Variants in CCDC88A observed in about 807,000 individuals in gnomAD.
CCDC88A encodes the protein coiled-coil and HOOK domain protein 88A.
In CCDC88A, 54 loss-of-function variants were observed where a neutral mutation model predicts 234.3. The observed-to-expected ratio is 0.23, with a 90% confidence interval of 0.19 to 0.29. The LOEUF is 0.29. Ranked by LOEUF, CCDC88A falls within the 10% of genes least tolerant of loss-of-function variation. CCDC88A has a pLI of 1.00. For missense variants in CCDC88A, 1,832 were observed against 2,123.4 expected, an observed-to-expected ratio of 0.86 and a Z score of 2.70; for synonymous variants, 753 against 737.8, an observed-to-expected ratio of 1.02 and a Z score of -0.33.
At position 55,288,119 on chromosome 2, in the gene CCDC88A, A is replaced by C. The variant is rs1269618800; in HGVS notation, c.*3081T>G. 2 of 152,640 alleles carry C rather than the reference A, an allele frequency of 1.3e-5. No individual in the cohort carries two copies. Among genetic ancestry groups the C allele is most frequent in the African/African-American group, 4.8e-5 (2 of 41,462 alleles). 9.5% of individuals were successfully genotyped at this position (152,640 alleles called of 1,614,324 possible). On this transcript the variant is annotated 3_prime_UTR_variant, in exon 33 of 33. Transcript: ENST00000436346. ...TTTGATTTGGTATTTAATAACAGTT[A>C]TAAGTACAATGGTAGACACTGAAAA...
At chr2:55,311,108 T>C (rs1345344055) in intron 23 of CCDC88A, among the ~76,000 whole-genome samples, 1 of 152,218 alleles carries the variant, frequency 6.6e-6, no homozygotes, top group Non-Finnish European at 1.5e-5. Context: ...AACAAAGCTT[T>C]GGATAATGCC....
At chr2:55,311,882 C>A (rs1010610116) in intron 23 of CCDC88A, among the ~76,000 whole-genome samples, 2 of 152,160 alleles carry the variant, frequency 1.3e-5, no homozygotes, top group African/African-American at 4.8e-5. Flanking sequence ...ATAGAACAAC[C>A]TTTGTAAACT....
intron 6 of CCDC88A, chr2:55,363,620 C>T (rs999914171): frequency 6.0e-5 from 11 of 182,912 alleles, no homozygotes; most frequent in South Asian, 3.9e-4. Context: ...ACCTCACTAT[C>T]GTTTTGAATT....
chr2:55,400,879 G>A (rs1195062518), intron 2 of CCDC88A, among the ~76,000 whole-genome samples: 3 of 152,036 alleles, frequency 2.0e-5, no homozygotes, highest in African/African-American at 7.3e-5. Context: ...AAATTTTTGA[G>A]ATAATTTATA....
At chr2:55,386,992 T>C (rs2104884203) in intron 3 of CCDC88A, among the ~76,000 whole-genome samples, 3 of 150,360 alleles carry the variant, frequency 2.0e-5, no homozygotes, top group East Asian at 2.0e-4. Context: ...CTGGCCAACA[T>C]GGCGAAACCC....
chr2:55,418,748 G>T, intron 2 of CCDC88A, 68 bp downstream of exon 2: 1 of 1,233,162 alleles, frequency 8.1e-7, no homozygotes, highest in Non-Finnish European at 1.2e-6. Flanking sequence ...TTAAAACATC[G>T]TGTCTCAAAG....
chr2:55,375,399 T>C (rs1346557201), intron 3 of CCDC88A, among the ~76,000 whole-genome samples: 1 of 150,372 alleles, frequency 6.7e-6, no homozygotes, highest in Non-Finnish European at 1.5e-5. Context: ...GCATGTGTGC[T>C]CTTTTTCTTC....
In CCDC88A at chr2:55,317,318, A is replaced by G; in HGVS notation, c.3634T>C (p.Leu1212=). Residue 1212 remains leucine, a synonymous_variant, in exon 21 of 33, where the codon TTG becomes CTG. Transcript: ENST00000436346. This position sits in a 1 kb window ranked among gnomAD's most constrained non-coding sequence, Gnocchi z 4.2. The stretch of plus-strand genomic sequence containing the variant: ...TTGAGCATTTTTTCCAAATCTTCCA[A>G]CTGTCCTTTCTGTTTTAATAACTGA... The part of the protein sequence containing the change: ...YNQLLKQKGQ[L]EDLEKMLKVE... 6.5e-7 allele frequency: 1 copy of G among 1,536,184 alleles called. No individual in the cohort carries two copies. Among genetic ancestry groups the G allele is most frequent in the Non-Finnish European group, 8.8e-7 (1 of 1,137,522 alleles).
intron 29 of CCDC88A, among the ~76,000 whole-genome samples, chr2:55,297,916 ATTAC>A (rs1248114775): frequency 2.0e-5 from 3 of 152,346 alleles, no homozygotes; most frequent in East Asian, 1.9e-4. Context: ...ATATGAAGCA[ATTAC>A]TTACAACATT....
intron 17 of CCDC88A, among the ~76,000 whole-genome samples, chr2:55,327,398 G>C (rs1684405502): frequency 6.6e-6 from 1 of 152,310 alleles, no homozygotes; most frequent in East Asian, 1.9e-4. Context: ...TGGAGTTGCT[G>C]CAAGAGGTAA....
Position 55,297,329 on chromosome 2 carries a change from A to AATAAATTTATATATT in CCDC88A, c.4826-807_4826-806insAATATATAAATTTAT, listed in dbSNP as rs1680205894. Among the ~76,000 whole-genome samples the AATAAATTTATATATT allele has an allele frequency of 5.9e-4, 9 of 15,370 alleles. No homozygotes were observed. The South Asian group carries it at 9.7e-3, about 17-fold the overall frequency. The allele number at this position is 15,370 out of a possible 152,430, so 10.1% of individuals were successfully genotyped here. A position where few individuals can be genotyped will look rare whatever the true frequency, so the allele number is the denominator to read the frequency against. ...AATTATATATAAATATATAATATAT[A>AATAAATTTATATATT]ATATATAAATTTATATATTATATAT... On this transcript the variant is annotated intron_variant, in intron 29 of 32. Transcript: ENST00000436346.
intron 11 of CCDC88A, 186 bp from the exon 12 acceptor site, chr2:55,343,978 T>A: frequency 2.1e-6 from 1 of 472,156 alleles, no homozygotes; most frequent in Non-Finnish European, 3.7e-6. Context: ...GTGTCTGACA[T>A]CCTTTTAAGC....
At chr2:55,377,194 CTTT>C (rs11443883) in intron 3 of CCDC88A, among the ~76,000 whole-genome samples, 1 of 115,016 alleles carries the variant, frequency 8.7e-6, no homozygotes, top group Non-Finnish European at 1.7e-5. Flanking sequence ...TCACTATAGA[CTTT>C]TTTTTTTTTT....
Position 55,299,833 on chromosome 2 carries a change from G to C in CCDC88A, c.4825+6C>G. 6.3e-7 allele frequency: 1 copy of C among 1,591,060 alleles called. No homozygotes were observed. Among genetic ancestry groups the C allele is most frequent in the Non-Finnish European group, 8.6e-7 (1 of 1,159,478 alleles). On this transcript the variant is annotated splice_donor_region_variant and intron_variant, in intron 29 of 32. Transcript: ENST00000436346. ...GAGCGCATTAATAAATTTACCTACA[G>C]CATACCTTTGACTTCATGTAGTGAA...
rs528411167 is a variant in CCDC88A at position 55,395,655 on chromosome 2, C to G, written c.165-6769G>C. ...ATTGCTTTCTATCGAAAGTTACGAG[C>G]TGACAACCTCCAAGCTAACAACTCA... On this transcript the variant is annotated intron_variant, in intron 2 of 32. Coordinates refer to ENST00000436346, the MANE Select transcript of CCDC88A (RefSeq NM_001365480.1). 1.2e-4 allele frequency among the ~76,000 whole-genome samples: 18 copies of G among 152,338 alleles called. No homozygotes were observed. In the Middle Eastern group the frequency reaches 0.01, roughly 86 times the overall value.
At chr2:55,380,217 C>T (rs1477690502) in intron 3 of CCDC88A, among the ~76,000 whole-genome samples, 1 of 151,914 alleles carries the variant, frequency 6.6e-6, no homozygotes, top group East Asian at 1.9e-4. Context: ...GCCTGGGCGA[C>T]AGAGCGAGAC....
At chr2:55,370,493 T>C (rs1437599022) in intron 5 of CCDC88A, among the ~76,000 whole-genome samples, 1 of 151,018 alleles carries the variant, frequency 6.6e-6, no homozygotes, top group Non-Finnish European at 1.5e-5. Flanking sequence ...AATAAAAAAT[T>C]AGCCAGGTGT....
Position 55,335,028 on chromosome 2 carries a change from T to C in CCDC88A, c.1793A>G (p.Glu598Gly). 6.2e-7 allele frequency: 1 copy of C among 1,611,088 alleles called. No homozygotes were observed. Among genetic ancestry groups the C allele is most frequent in the Non-Finnish European group, 8.5e-7 (1 of 1,178,094 alleles). Reference protein sequence around the residue: ...ENKILHESIKETSSKLSKIEF... With the variant: ...ENKILHESIKGTSSKLSKIEF... Reference sequence around the variant, plus strand: ...AATCTTGCTTAGCTTGCTACTTGTTTCTTTGATAGATTCATGAAGAATTTT... The same window carrying C: ...AATCTTGCTTAGCTTGCTACTTGTTCCTTTGATAGATTCATGAAGAATTTT... The change falls in exon 15 of 33, where the codon GAA (glutamate) becomes GGA (glycine). Residue 598 changes from glutamate (E) to glycine (G), a missense_variant. Glu to Gly is a moderately conservative substitution (Grantham distance 98). Around this residue, in one of 6 missense-constraint regions of CCDC88A, gnomAD observed 1,282 missense variants for 1,543.6 expected, o/e 0.83. Coordinates refer to ENST00000436346, the MANE Select transcript of CCDC88A (RefSeq NM_001365480.1). The surrounding 1 kb of genome is among the most constrained non-coding windows in gnomAD (Gnocchi z 4.5).
chr2:55,369,005 G>T (rs1478600121), intron 5 of CCDC88A, among the ~76,000 whole-genome samples: 5 of 152,118 alleles, frequency 3.3e-5, no homozygotes, highest in African/African-American at 1.2e-4. Flanking sequence ...TATATTATTA[G>T]TAGTAGTGGC....
Sources: gnomAD v4.1 joint callset for allele counts (sites outside exome capture counted in the v4.1 genomes callset) on GRCh38, gnomAD v4.1.1 for gene constraint, gnomAD v4.1.1 regional missense constraint, Gnocchi (gnomAD v3.1) non-coding constraint, MANE v1.5 for transcripts, NCBI Gene and HGNC (gene_info 2026-07-23, HGNC 2026-07-21) for gene names.